Variants in CFAP97 observed in about 807,000 individuals in gnomAD.
CFAP97 encodes the protein cilia and flagella associated protein 97.
Under a neutral mutation model 43.1 loss-of-function variants are expected in CFAP97, and 36 were observed. The ratio of observed to expected loss-of-function variants is 0.84; its 90% CI spans 0.64 to 1.10. The LOEUF is 1.10. Ranked by LOEUF, CFAP97 falls within the 50% of genes least tolerant of loss-of-function variation. The probability of loss-of-function intolerance (pLI) is 0.00; values close to 1 mark genes in which losing one functional copy is unlikely to be tolerated. For synonymous variants in CFAP97, 228 were observed against 225.7 expected (o/e 1.01, Z -0.09); for missense variants, 657 against 620.3 (o/e 1.06, Z -0.63).
intron 2 of CFAP97, among the ~76,000 whole-genome samples, chr4:185,186,577 T>C (rs766056076): frequency 2.0e-5 from 3 of 152,230 alleles, no homozygotes; most frequent in South Asian, 2.1e-4. Context: ...CAATGATATA[T>C]AGATTATAAT....
chr4:185,176,602 A>T lies in CFAP97; in HGVS notation c.1055-551T>A, dbSNP rs534376530. On this transcript the variant is annotated intron_variant, in intron 2 of 4. Coordinates refer to ENST00000458385, the MANE Select transcript of CFAP97 (RefSeq NM_020827.3). ...ACAATGAAAGTATCTTTAAAAATGTATATAGTACTGGTCTTTAGGCTAGTA... is the reference window on the plus strand; with the variant it reads ...ACAATGAAAGTATCTTTAAAAATGTTTATAGTACTGGTCTTTAGGCTAGTA... Among the ~76,000 whole-genome samples, 10 of 152,310 alleles carry T rather than the reference A, an allele frequency of 6.6e-5. No homozygotes were observed. In the South Asian group the frequency reaches 1.9e-3, roughly 28 times the overall value.
At chr4:185,170,456 C>T (rs1372077844) in intron 3 of CFAP97, 3 of 377,372 alleles carry the variant, frequency 7.9e-6, no homozygotes, top group African/African-American at 2.1e-5. Context: ...GTTGCCCAGG[C>T]GAGTATCTTG....
At chr4:185,185,421 A>G (rs568643099) in intron 2 of CFAP97, among the ~76,000 whole-genome samples, 28 of 152,316 alleles carry the variant, frequency 1.8e-4, no homozygotes, top group African/African-American at 6.7e-4. Context: ...TTACAAATAT[A>G]ATTTTAAAGA....
chr4:185,192,003 A>G (rs1736279889), intron 1 of CFAP97, among the ~76,000 whole-genome samples: 1 of 152,230 alleles, frequency 6.6e-6, no homozygotes, highest in Non-Finnish European at 1.5e-5. Flanking sequence ...GGACCAGCTA[A>G]ACCATCCAAA....
chr4:185,191,340 CA>C, intron 1 of CFAP97, 128 bp from the exon 2 acceptor site: 1 of 667,626 alleles, frequency 1.5e-6, no homozygotes, highest in Non-Finnish European at 2.3e-6. Flanking sequence ...ATTATAAAAA[CA>C]ACAACAAAAA....
intron 4 of CFAP97, among the ~76,000 whole-genome samples, chr4:185,163,667 CT>C (rs1257659382): frequency 6.6e-6 from 1 of 152,040 alleles, no homozygotes; most frequent in Non-Finnish European, 1.5e-5. Context: ...CATATAAGGG[CT>C]GGAGGCTATT....
upstream of CFAP97, chr4:185,204,043 G>C (rs893486693): frequency 2.7e-5 from 4 of 150,536 alleles, no homozygotes; most frequent in African/African-American, 9.7e-5. Flanking sequence ...CCGGCGCTTC[G>C]GGAGAGGCGG....
intron 2 of CFAP97, among the ~76,000 whole-genome samples, chr4:185,183,200 T>C (rs1325784982): frequency 6.6e-6 from 1 of 152,196 alleles, no homozygotes; most frequent in African/African-American, 2.4e-5. Flanking sequence ...GGCTGTTAAC[T>C]TGCAAAATTT....
chr4:185,192,469 C>A (rs1736306984), intron 1 of CFAP97, among the ~76,000 whole-genome samples: 1 of 151,880 alleles, frequency 6.6e-6, no homozygotes, highest in South Asian at 2.1e-4. Flanking sequence ...TGTTTTTTTC[C>A]CTAGAGACCA....
chr4:185,198,860 G>A (rs144083299), intron 1 of CFAP97, among the ~76,000 whole-genome samples: 334 of 152,142 alleles, frequency 2.2e-3, no homozygotes, highest in African/African-American at 7.8e-3. Context: ...ATCTAGCTAA[G>A]AGAATTGCTG....
intron 1 of CFAP97, among the ~76,000 whole-genome samples, chr4:185,203,339 C>G (rs989315697): frequency 6.6e-6 from 1 of 152,222 alleles, no homozygotes; most frequent in Non-Finnish European, 1.5e-5. Context: ...GGAAAATACA[C>G]AGAAAAGCAC....
upstream of CFAP97, among the ~76,000 whole-genome samples, chr4:185,205,472 A>G (rs1737147846): frequency 6.6e-6 from 1 of 151,658 alleles, no homozygotes; most frequent in African/African-American, 2.4e-5. Flanking sequence ...AAAAAGCAAG[A>G]ATTTCACTTT....
intron 4 of CFAP97, among the ~76,000 whole-genome samples, chr4:185,163,811 G>T (rs558664967): frequency 2.0e-5 from 3 of 152,080 alleles, no homozygotes; most frequent in African/African-American, 4.8e-5. Flanking sequence ...TGATATTTTT[G>T]ATTGTTTTAT....
At chr4:185,194,249 G>T (rs575699376) in intron 1 of CFAP97, among the ~76,000 whole-genome samples, 1 of 152,206 alleles carries the variant, frequency 6.6e-6, no homozygotes, top group Non-Finnish European at 1.5e-5. Flanking sequence ...AACACTTTGG[G>T]AAGCCGAGGC....
In CFAP97 at chr4:185,190,302, T is replaced by C. The variant is rs1018888538; in HGVS notation, c.895A>G (p.Lys299Glu). The C allele has an allele frequency of 6.2e-7, 1 of 1,607,248 alleles. No individual in the cohort carries two copies. Among genetic ancestry groups the C allele is most frequent in the Non-Finnish European group, 8.5e-7 (1 of 1,175,988 alleles). Reference protein sequence around the residue: ...QEIYEDVEDLKNNSKYLKAAK... With the variant: ...QEIYEDVEDLENNSKYLKAAK... ...GCTTTCAAATATTTTGAATTATTTT[T>C]CAAATCCTCAACATCTTCATATATT... The change falls in exon 2 of 5, where the codon AAA (lysine) becomes GAA (glutamate). Residue 299 changes from lysine (K) to glutamate (E), a missense_variant. Coordinates refer to ENST00000458385, the MANE Select transcript of CFAP97 (RefSeq NM_020827.3).
At chr4:185,205,791 T>C (rs1159770146), upstream of CFAP97, among the ~76,000 whole-genome samples, 1 of 152,196 alleles carries the variant, frequency 6.6e-6, no homozygotes, top group East Asian at 1.9e-4. Flanking sequence ...ATCACGCCAT[T>C]GTACTCCAGC....
chr4:185,184,820 A>G (rs1735945725), intron 2 of CFAP97, among the ~76,000 whole-genome samples: 1 of 152,224 alleles, frequency 6.6e-6, no homozygotes, highest in Non-Finnish European at 1.5e-5. Flanking sequence ...GACAATTCTA[A>G]GAGTTGAGTG....
chr4:185,185,133 A>G (rs1579250337), intron 2 of CFAP97, among the ~76,000 whole-genome samples: 1 of 152,304 alleles, frequency 6.6e-6, no homozygotes, highest in East Asian at 1.9e-4. Context: ...TTTTAATGCC[A>G]AACAATAGGC....
At chr4:185,207,947 G>T (rs1339283752), upstream of CFAP97, among the ~76,000 whole-genome samples, 1 of 152,118 alleles carries the variant, frequency 6.6e-6, no homozygotes, top group Non-Finnish European at 1.5e-5. Context: ...GCATGTAAAT[G>T]ATCAAAAAAC....
Sources: gnomAD v4.1 joint callset for allele counts (sites outside exome capture counted in the v4.1 genomes callset) on GRCh38, gnomAD v4.1.1 for gene constraint, MANE v1.5 for transcripts, NCBI Gene and HGNC (gene_info 2026-07-23, HGNC 2026-07-21) for gene names.